Variants in MYO18A observed in about 807,000 individuals in gnomAD.
MYO18A encodes the protein myosin XVIIIA.
Under a neutral mutation model 235.8 loss-of-function variants are expected in MYO18A, and 78 were observed. That is an observed-to-expected ratio of 0.33 (90% confidence interval 0.28 to 0.40). The LOEUF is 0.40. Ranked by LOEUF, MYO18A falls within the 10% of genes least tolerant of loss-of-function variation. MYO18A has a pLI of 1.00. For missense variants in MYO18A, 2,215 were observed against 2,699.3 expected (o/e 0.82, Z 3.98); for synonymous variants, 977 against 1,077.8 (o/e 0.91, Z 1.83).
intron 40 of MYO18A, among the ~76,000 whole-genome samples, chr17:29,084,753 G>C (rs2066209827): frequency 6.6e-6 from 1 of 152,052 alleles, no homozygotes; most frequent in East Asian, 1.9e-4. Flanking sequence ...CCAGGGGAGG[G>C]GGTCCATCAG....
At chr17:29,161,009 G>C (rs2068160176) in intron 2 of MYO18A, among the ~76,000 whole-genome samples, 1 of 152,170 alleles carries the variant, frequency 6.6e-6, no homozygotes, top group Admixed American at 6.5e-5. Flanking sequence ...CTTGAGCTCA[G>C]GAGTTTGAGA....
At chr17:29,076,879 T>C (rs2065994050) in intron 41 of MYO18A, 2 of 152,302 alleles carry the variant, frequency 1.3e-5, no homozygotes, top group African/African-American at 4.8e-5. Flanking sequence ...GCGAGGCAGA[T>C]GCCAGGGCTG....
intron 41 of MYO18A, chr17:29,080,071 C>T (rs1282494903): frequency 2.0e-6 from 2 of 985,850 alleles, no homozygotes; most frequent in Non-Finnish European, 2.4e-6. Flanking sequence ...TCGCCGGCTC[C>T]GGCTCTTCCG....
Position 29,110,593 on chromosome 17 carries a change from C to T in MYO18A, c.2930G>A (p.Arg977His), listed in dbSNP as rs370802338. Residue 977 changes from arginine (R) to histidine (H), a missense_variant, in exon 18 of 42, where the codon CGC becomes CAC. By Grantham distance (29) the Arg-to-His change is conservative (BLOSUM62 0). Transcript: ENST00000527372. ...KKIISNLFLGRAGSATVLSGS... is the reference protein window; with the variant it reads ...KKIISNLFLGHAGSATVLSGS... The stretch of plus-strand genomic sequence containing the variant: ...AGAGAGCACCGTGGCACTGCCTGCG[C>T]GGCCCAGAAACAGGTTGCTGATGAT... 3.0e-5 allele frequency: 48 copies of T among 1,608,914 alleles called. No individual in the cohort carries two copies. Among genetic ancestry groups the T allele is most frequent in the Middle Eastern group, 1.6e-4 (1 of 6,070 alleles).
At position 29,115,004 on chromosome 17, in the gene MYO18A, G is replaced by C; in HGVS notation, c.2414C>G (p.Ala805Gly). ...GTTGTGGCACAGCTCCTCAAAGGAGGCTCCGCGGGCTGACCCACCCTGCTC... is the reference window on the plus strand; with the variant it reads ...GTTGTGGCACAGCTCCTCAAAGGAGCCTCCGCGGGCTGACCCACCCTGCTC... ...NPEQGGSARG[A>G]SFEELCHNYT... is the part of the protein sequence containing the mutation. The change falls in exon 14 of 42, where the codon GCC (alanine) becomes GGC (glycine). Residue 805 changes from alanine to glycine, a missense_variant. Coordinates refer to ENST00000527372, the MANE Select transcript of MYO18A (RefSeq NM_078471.4). 1.9e-6 allele frequency: 3 copies of C among 1,613,994 alleles called. No individual in the cohort carries two copies. Among genetic ancestry groups the C allele is most frequent in the Non-Finnish European group, 2.5e-6 (3 of 1,179,890 alleles).
At chr17:29,093,678 G>T (rs971946100) in intron 31 of MYO18A, among the ~76,000 whole-genome samples, 1 of 152,130 alleles carries the variant, frequency 6.6e-6, no homozygotes, top group Non-Finnish European at 1.5e-5. Flanking sequence ...CCGCATGGTG[G>T]AGACCTGCCC....
intron 41 of MYO18A, chr17:29,076,111 T>A (rs1218454842): frequency 1.9e-5 from 3 of 155,194 alleles, no homozygotes; most frequent in African/African-American, 7.2e-5. Context: ...GGGCAAGATT[T>A]GGTCACTGAG....
chr17:29,133,927 G>T, intron 2 of MYO18A: 1 of 1,191,584 alleles, frequency 8.4e-7, no homozygotes, highest in Non-Finnish European at 1.1e-6. Flanking sequence ...GCCAGAACCT[G>T]CCAGGATAAA....
chr17:29,083,745 C>T (rs1332606171), intron 40 of MYO18A, among the ~76,000 whole-genome samples: 10 of 152,114 alleles, frequency 6.6e-5, no homozygotes, highest in Admixed American at 3.3e-4. Context: ...TGTGCCCGTC[C>T]GAGCCTGGCA....
In MYO18A at chr17:29,071,893, A is replaced by G. The variant is rs2065887908; in HGVS notation, c.*2877T>C. 1 of 152,204 alleles carries G rather than the reference A, an allele frequency of 6.6e-6. No individual in the cohort carries two copies. The highest frequency in any genetic ancestry group is 6.5e-5 in the Admixed American group (1 of 15,280). 9.4% of individuals were successfully genotyped at this position (152,204 alleles called of 1,614,324 possible). On this transcript the variant is annotated 3_prime_UTR_variant, in exon 42 of 42. Coordinates refer to ENST00000527372, the MANE Select transcript of MYO18A (RefSeq NM_078471.4). The stretch of plus-strand genomic sequence containing the variant: ...CTTTATGAAGGAAGGGACCTTATCC[A>G]TCACCAGCACCCAGAATGGGGCCTA...
At chr17:29,167,211 C>T (rs1185593657) in intron 1 of MYO18A, among the ~76,000 whole-genome samples, 190 bp from the exon 2 acceptor site, 8 of 152,184 alleles carry the variant, frequency 5.3e-5, no homozygotes, top group Non-Finnish European at 1.0e-4. Context: ...ACTATTATTA[C>T]CCCATTTTAC....
intron 10 of MYO18A, among the ~76,000 whole-genome samples, chr17:29,116,997 T>C (rs1198117849): frequency 1.3e-5 from 2 of 152,044 alleles, no homozygotes; most frequent in African/African-American, 2.4e-5. Flanking sequence ...ATGCCACTTC[T>C]TGGGGTCGCT....
Position 29,125,919 on chromosome 17 carries a change from G to A in MYO18A, c.1000-3666C>T, listed in dbSNP as rs553612230. On this transcript the variant is annotated intron_variant, in intron 2 of 41. Coordinates refer to ENST00000527372, the MANE Select transcript of MYO18A (RefSeq NM_078471.4). This position sits in a 1 kb window ranked among gnomAD's most constrained non-coding sequence, Gnocchi z 5.1. ...GAAGCTGTGAAGATCCTCTCCAGCC[G>A]CTGGTGGGCCTCTTCCACGGGGGTC... 4.9e-5 allele frequency: 48 copies of A among 985,850 alleles called. No individual in the cohort carries two copies. Among genetic ancestry groups the A allele is most frequent in the African/African-American group, 4.2e-4 (24 of 57,344 alleles). 61.1% of individuals were successfully genotyped at this position (985,850 alleles called of 1,614,324 possible).
chr17:29,176,280 T>G (rs963348908), intron 1 of MYO18A, among the ~76,000 whole-genome samples: 2 of 152,142 alleles, frequency 1.3e-5, no homozygotes, highest in African/African-American at 4.8e-5. Flanking sequence ...CTTCATGTCT[T>G]GAAAAAGTTT....
At chr17:29,168,485 G>A (rs139277333) in intron 1 of MYO18A, among the ~76,000 whole-genome samples, 1 of 150,860 alleles carries the variant, frequency 6.6e-6, no homozygotes, top group Non-Finnish European at 1.5e-5. Flanking sequence ...CTCTCTCTCT[G>A]AAAGCCTACC....
chr17:29,132,457 T>G (rs138752846), intron 2 of MYO18A, among the ~76,000 whole-genome samples: 11 of 152,314 alleles, frequency 7.2e-5, no homozygotes, highest in Non-Finnish European at 1.2e-4. Context: ...AAGACAGCCC[T>G]GTTACCAACC....
chr17:29,139,187 G>A (rs762622958), intron 2 of MYO18A, among the ~76,000 whole-genome samples: 2 of 152,114 alleles, frequency 1.3e-5, no homozygotes, highest in African/African-American at 2.4e-5. Flanking sequence ...GCTTCCTGCC[G>A]CAACTGCAGT....
chr17:29,097,208 CCT>C lies in MYO18A; in HGVS notation c.4230+13_4230+14del. 6.2e-7 allele frequency: 1 copy of C among 1,603,810 alleles called. No homozygotes were observed. Among genetic ancestry groups the C allele is most frequent in the Non-Finnish European group, 8.5e-7 (1 of 1,179,150 alleles). ...GCCCTCCCAGGCACAGGCCTCAGCTCCTCCCCAGCCTCACCCGCCGTTCCAGC... is the reference window on the plus strand; with the variant it reads ...GCCCTCCCAGGCACAGGCCTCAGCTCCCCCAGCCTCACCCGCCGTTCCAGC... On this transcript the variant is annotated intron_variant, in intron 27 of 41. Coordinates refer to ENST00000527372, the MANE Select transcript of MYO18A (RefSeq NM_078471.4).
intron 1 of MYO18A, among the ~76,000 whole-genome samples, chr17:29,177,872 G>C (rs1229978930): frequency 1.3e-5 from 2 of 152,176 alleles, no homozygotes; most frequent in Non-Finnish European, 2.9e-5. Flanking sequence ...TCTGGCTGAG[G>C]AGAGACCTCT....
Sources: gnomAD v4.1 joint callset for allele counts (sites outside exome capture counted in the v4.1 genomes callset) on GRCh38, gnomAD v4.1.1 for gene constraint, Gnocchi (gnomAD v3.1) non-coding constraint, MANE v1.5 for transcripts, NCBI Gene and HGNC (gene_info 2026-07-23, HGNC 2026-07-21) for gene names.